DNAH8: variants seen among roughly 807,000 people sequenced by gnomAD.
DNAH8 encodes axonemal beta dynein heavy chain 8.
A neutral mutation model predicts 562.1 loss-of-function variants in DNAH8; 382 were observed. That is an observed-to-expected ratio of 0.68 (90% CI 0.63 to 0.74). DNAH8 has a LOEUF of 0.74. Among genes scored for constraint, DNAH8 ranks in the 30% least tolerant of loss-of-function variants. The pLI is 0.00. For missense variants in DNAH8, 5,203 were observed against 5,620.4 expected (o/e 0.93, Z 2.37); for synonymous variants, 1,881 against 1,919.4 (o/e 0.98, Z 0.52).
chr6:38,901,021 C>A (rs966461951), intron 62 of DNAH8, among the ~76,000 whole-genome samples: 5 of 151,788 alleles, frequency 3.3e-5, no homozygotes, highest in African/African-American at 1.2e-4. Context: ...TTTGGATAGG[C>A]TCTTTTGTGA....
At chr6:38,727,970 T>C (rs1251257889) in intron 3 of DNAH8, among the ~76,000 whole-genome samples, 1 of 151,578 alleles carries the variant, frequency 6.6e-6, no homozygotes, top group Non-Finnish European at 1.5e-5. Context: ...CTTAAGTTAA[T>C]TTTTTTTTCT....
At position 38,854,970 on chromosome 6, in the gene DNAH8, C is replaced by G. The variant is rs79425346; in HGVS notation, c.5733+1623C>G. 9.4e-3 allele frequency among the ~76,000 whole-genome samples: 1,385 copies of G among 146,732 alleles called. 19 individuals carry two copies. Among genetic ancestry groups the G allele is most frequent in the African/African-American group, 0.031 (1,259 of 40,148 alleles). ...AGTATTTTATACAATGTATATAATA[C>G]TATATATATAATACAAAGTATTATA... On this transcript the variant is annotated intron_variant, in intron 41 of 92. Coordinates refer to ENST00000327475, the MANE Select transcript of DNAH8 (RefSeq NM_001206927.2).
chr6:38,778,564 T>C, intron 14 of DNAH8, 100 bp downstream of exon 14: 1 of 711,148 alleles, frequency 1.4e-6, no homozygotes, highest in Admixed American at 2.6e-5. Context: ...CTGTCCTACA[T>C]AAACCTTAAA....
rs752763317 is a variant in DNAH8, at chr6:38,845,690, C to G, written c.4962C>G (p.Leu1654=). ...CAGCATTTAAGGGAAAAGGAGAGCT[C>G]CTGCTCAAAGGAACCGAATCGGGAG... The part of the protein sequence containing the change: ...SFAAFKGKGE[L]LLKGTESGEI... Residue 1654 remains leucine, a synonymous_variant, in exon 36 of 93, where the codon CTC becomes CTG. Transcript: ENST00000327475. The G allele has an allele frequency of 3.4e-5, 55 of 1,613,800 alleles. No homozygotes were observed. The South Asian group carries it at 5.9e-4, about 17-fold the overall frequency.
rs546803077 is a variant in DNAH8, at chr6:39,018,606, C to A, written c.13714+5969C>A. Among the ~76,000 whole-genome samples, 4 of 152,342 alleles carry A rather than the reference C, an allele frequency of 2.6e-5. No individual in the cohort carries two copies. In the South Asian group the frequency reaches 8.3e-4, roughly 32 times the overall value. The stretch of plus-strand genomic sequence containing the variant: ...AGGAATTTCATCCTCCTGCAAAGGT[C>A]ACCAGAGCCATGATCTGCCCATCTT... On this transcript the variant is annotated intron_variant, in intron 91 of 92. Coordinates refer to ENST00000327475, the MANE Select transcript of DNAH8 (RefSeq NM_001206927.2).
At chr6:38,818,551 A>AAAAAAAAAAAAG (rs1772507855) in intron 26 of DNAH8, among the ~76,000 whole-genome samples, 2 of 151,210 alleles carry the variant, frequency 1.3e-5, no homozygotes, top group Non-Finnish European at 2.9e-5. Flanking sequence ...AAAAAAAAAA[A>AAAAAAAAAAAAG]AAGAAGATAT....
At chr6:38,958,805 A>T (rs1762434360) in intron 82 of DNAH8, among the ~76,000 whole-genome samples, 1 of 152,150 alleles carries the variant, frequency 6.6e-6, no homozygotes. Flanking sequence ...GACTAGCATT[A>T]CTCTAATATC....
intron 87 of DNAH8, among the ~76,000 whole-genome samples, chr6:38,987,237 C>G (rs1195888259): frequency 6.6e-6 from 1 of 152,224 alleles, no homozygotes; most frequent in Non-Finnish European, 1.5e-5. Context: ...GTGTCGCTGT[C>G]TCAGCCTGCT....
At chr6:38,769,273 G>T (rs960330870) in intron 11 of DNAH8, among the ~76,000 whole-genome samples, 1 of 152,114 alleles carries the variant, frequency 6.6e-6, no homozygotes, top group South Asian at 2.1e-4. Flanking sequence ...AGAATGTGCA[G>T]GTTTGTTACA....
In DNAH8 at chr6:39,026,559, A is replaced by G; in HGVS notation, c.13728A>G (p.Ala4576=). The G allele has an allele frequency of 6.2e-7, 1 of 1,610,858 alleles. No individual in the cohort carries two copies. The highest frequency in any genetic ancestry group is 2.2e-5 in the East Asian group (1 of 44,836). ...GFFNPQGFLT[A]MRQEVTRAHK... ...TTTTTCTTTAAGGCTTCCTCACAGC[A>G]ATGAGGCAAGAAGTGACCCGTGCCC... is the stretch of plus-strand genomic sequence containing the variant. Residue 4576 remains alanine, a synonymous_variant, in exon 92 of 93, where the codon GCA becomes GCG. Transcript: ENST00000327475.
intron 62 of DNAH8, among the ~76,000 whole-genome samples, chr6:38,901,103 T>C (rs1780048343): frequency 6.6e-6 from 1 of 152,184 alleles, no homozygotes; most frequent in East Asian, 1.9e-4. Context: ...TTAGGAATTC[T>C]ATATGTGTTT....
At chr6:38,998,515 A>G (rs1276108093) in intron 88 of DNAH8, among the ~76,000 whole-genome samples, 7 of 152,218 alleles carry the variant, frequency 4.6e-5, no homozygotes, top group African/African-American at 1.7e-4. Context: ...ATGCAATACA[A>G]ATTGAAATGT....
intron 58 of DNAH8, among the ~76,000 whole-genome samples, chr6:38,891,766 A>G (rs1171619699): frequency 1.3e-5 from 2 of 152,240 alleles, no homozygotes; most frequent in Non-Finnish European, 2.9e-5. Context: ...TACTGTGCTT[A>G]TATACATAGT....
At chr6:38,871,993 C>G (rs112351501) in intron 49 of DNAH8, among the ~76,000 whole-genome samples, 2,721 of 152,314 alleles carry the variant, frequency 0.018, 28 homozygotes, top group Non-Finnish European at 0.03. Flanking sequence ...TCACACCTTG[C>G]TTGGCTTCTT....
chr6:38,937,981 G>A lies in DNAH8; in HGVS notation c.11571G>A (p.Leu3857=). The part of the protein sequence containing the change: ...LYKLSATKGS[L]VDDESLIGVL... Reference sequence around the variant, plus strand: ...TCCTGTTTTGAATTTCAGGCTCATTGGTAGATGACGAATCTCTCATTGGTG... The same window carrying A: ...TCCTGTTTTGAATTTCAGGCTCATTAGTAGATGACGAATCTCTCATTGGTG... Residue 3857 remains leucine (L), a synonymous_variant, in exon 78 of 93, where the codon TTG becomes TTA. Transcript: ENST00000327475. 6.2e-7 allele frequency: 1 copy of A among 1,612,740 alleles called. No homozygotes were observed. The highest frequency in any genetic ancestry group is 8.5e-7 in the Non-Finnish European group (1 of 1,179,624).
chr6:38,951,590 A>G, intron 82 of DNAH8, 70 bp downstream of exon 82: 1 of 1,292,450 alleles, frequency 7.7e-7, no homozygotes, highest in South Asian at 1.3e-5. Context: ...GCCTTTCGTA[A>G]TTTTATAACT....
intron 88 of DNAH8, 119 bp from the exon 89 acceptor site, chr6:39,008,695 T>TTTC (rs1554162484): frequency 6.3e-6 from 3 of 478,844 alleles, no homozygotes; most frequent in Non-Finnish European, 1.0e-5. Flanking sequence ...CTTTTCTTCT[T>TTTC]TTTTTTTTTT....
intron 1 of DNAH8, among the ~76,000 whole-genome samples, chr6:38,720,633 C>A (rs2127561682): frequency 6.6e-6 from 1 of 152,226 alleles, no homozygotes. Context: ...CCAAAACCAG[C>A]CAGACAGAGA....
At chr6:38,935,533 G>C in intron 76 of DNAH8, 59 bp from the exon 77 acceptor site, 1 of 1,234,160 alleles carries the variant, frequency 8.1e-7, no homozygotes, top group East Asian at 2.4e-5. Flanking sequence ...AGTGAGTTGG[G>C]TTTACTGTAA....
Sources: allele counts gnomAD v4.1 joint callset (sites outside exome capture counted in the v4.1 genomes callset), GRCh38; gene constraint gnomAD v4.1.1; transcripts MANE v1.5; gene names NCBI Gene and HGNC (gene_info 2026-07-23, HGNC 2026-07-21).